Variants in FAT3 observed in about 807,000 individuals in gnomAD.
FAT3 encodes the protein protocadherin Fat 3.
Under a neutral mutation model 310.2 loss-of-function variants are expected in FAT3, and 95 were observed. The ratio of observed to expected loss-of-function variants is 0.31; its 90% CI spans 0.26 to 0.36. The LOEUF (loss-of-function observed/expected upper bound fraction) is 0.36. Ranked by LOEUF, FAT3 falls within the 10% of genes least tolerant of loss-of-function variation. FAT3 has a pLI of 1.00. For synonymous variants in FAT3, 2,314 were observed against 2,192.9 expected (o/e 1.06, Z -1.54); for missense variants, 5,408 against 5,715.6 (o/e 0.95, Z 1.74).
chr11:92,822,093 A>G (rs1947982548), intron 13 of FAT3, among the ~76,000 whole-genome samples: 1 of 152,030 alleles, frequency 6.6e-6, no homozygotes, highest in Non-Finnish European at 1.5e-5. Context: ...AGTTCTTGTT[A>G]TCATTACCCT....
At chr11:92,388,648 G>A (rs1949680781) in intron 2 of FAT3, among the ~76,000 whole-genome samples, 1 of 152,134 alleles carries the variant, frequency 6.6e-6, no homozygotes. Context: ...AAGCAACAGG[G>A]CCTGGTAGTT....
chr11:92,235,684 G>C (rs1046969648), intron 1 of FAT3, among the ~76,000 whole-genome samples: 1 of 152,082 alleles, frequency 6.6e-6, no homozygotes, highest in South Asian at 2.1e-4. Flanking sequence ...TATGATTCTG[G>C]TACTGCAAAG....
intron 1 of FAT3, among the ~76,000 whole-genome samples, chr11:92,338,473 G>T (rs890915804): frequency 1.3e-5 from 2 of 152,084 alleles, no homozygotes; most frequent in African/African-American, 4.8e-5. Context: ...ATTTCACAAT[G>T]CGGGGCAGGA....
At chr11:92,850,798 T>C (rs1948808210) in intron 19 of FAT3, among the ~76,000 whole-genome samples, 2 of 152,220 alleles carry the variant, frequency 1.3e-5, no homozygotes, top group Non-Finnish European at 2.9e-5. Flanking sequence ...GCTGCGGGAA[T>C]GCTGGGGAGA....
chr11:92,429,697 A>T (rs942139585), intron 2 of FAT3, among the ~76,000 whole-genome samples: 2 of 152,162 alleles, frequency 1.3e-5, no homozygotes, highest in African/African-American at 2.4e-5. Flanking sequence ...AATGTTGAAT[A>T]TTGGCCCTCA....
intron 1 of FAT3, among the ~76,000 whole-genome samples, chr11:92,289,263 T>G (rs902498732): frequency 2.0e-5 from 3 of 152,094 alleles, no homozygotes; most frequent in African/African-American, 7.2e-5. Flanking sequence ...CACATTAAGG[T>G]GAACAGTTTT....
intron 6 of FAT3, among the ~76,000 whole-genome samples, chr11:92,765,291 A>G (rs1350679236): frequency 6.6e-6 from 1 of 152,178 alleles, no homozygotes; most frequent in African/African-American, 2.4e-5. Flanking sequence ...AGCTGAACCG[A>G]AAGTGCTCTC....
chr11:92,740,041 T>C (rs1345151147), intron 4 of FAT3, among the ~76,000 whole-genome samples: 6 of 152,180 alleles, frequency 3.9e-5, no homozygotes, highest in Admixed American at 6.5e-5. Context: ...AGTGAGAATA[T>C]ATCCATTAAG....
intron 3 of FAT3, among the ~76,000 whole-genome samples, chr11:92,624,560 T>C (rs764285715): frequency 7.9e-5 from 12 of 152,184 alleles, no homozygotes; most frequent in Non-Finnish European, 1.3e-4. Flanking sequence ...GGGCCTTTGC[T>C]AGTGATCCAT....
chr11:92,836,324 A>G (rs554197057), intron 15 of FAT3, among the ~76,000 whole-genome samples: 12 of 152,268 alleles, frequency 7.9e-5, no homozygotes, highest in African/African-American at 2.9e-4. Flanking sequence ...CCTAACAGGC[A>G]TCAGGCTGTG....
At chr11:92,789,900 C>T (rs915254821) in intron 7 of FAT3, 43 bp from the exon 8 acceptor site, 2 of 1,599,404 alleles carry the variant, frequency 1.3e-6, no homozygotes, top group Non-Finnish European at 8.5e-7. Context: ...TAGCAGTGAG[C>T]AAATTGGCAT....
chr11:92,878,368 A>G (rs1270119340), intron 22 of FAT3, among the ~76,000 whole-genome samples: 1 of 151,984 alleles, frequency 6.6e-6, no homozygotes. Flanking sequence ...TAAAAATAGA[A>G]ATAAATAAAT....
chr11:92,282,352 A>G (rs893991627), intron 1 of FAT3, among the ~76,000 whole-genome samples: 1 of 152,138 alleles, frequency 6.6e-6, no homozygotes, highest in Non-Finnish European at 1.5e-5. Context: ...TAATAATTTC[A>G]CAGTGTATTC....
chr11:92,702,396 G>A (rs150285884), intron 4 of FAT3, among the ~76,000 whole-genome samples: 156 of 152,314 alleles, frequency 1.0e-3, no homozygotes, highest in African/African-American at 3.1e-3. Flanking sequence ...GAGACAGGAA[G>A]AAGGCATGCT....
chr11:92,476,123 A>T (rs1031524324), intron 2 of FAT3, among the ~76,000 whole-genome samples: 6 of 151,722 alleles, frequency 4.0e-5, no homozygotes, highest in Admixed American at 3.3e-4. Flanking sequence ...GAAGGGAGAG[A>T]GTGTCAGGGC....
intron 2 of FAT3, chr11:92,400,350 T>C (rs1949984919): frequency 6.6e-6 from 1 of 152,166 alleles, no homozygotes; most frequent in African/African-American, 2.4e-5. Context: ...ATCCACAAAA[T>C]GTATAGGCTT....
At chr11:92,520,147 C>G (rs1197088409) in intron 2 of FAT3, among the ~76,000 whole-genome samples, 1 of 151,716 alleles carries the variant, frequency 6.6e-6, no homozygotes, top group Middle Eastern at 3.2e-3. Flanking sequence ...TGGAATATTA[C>G]TAAGAAATGA....
intron 4 of FAT3, among the ~76,000 whole-genome samples, chr11:92,756,696 A>G (rs1172061430): frequency 6.6e-6 from 1 of 152,050 alleles, no homozygotes; most frequent in Non-Finnish European, 1.5e-5. Flanking sequence ...AACAAAAATA[A>G]ATTCATCAGG....
intron 11 of FAT3, 102 bp downstream of exon 11, chr11:92,805,451 A>T (rs1355857798): frequency 5.5e-6 from 7 of 1,263,116 alleles, no homozygotes; most frequent in Non-Finnish European, 7.6e-6. Context: ...TTCTGCTCTT[A>T]TCTGCAATTG....
Sources: allele counts gnomAD v4.1 joint callset (sites outside exome capture counted in the v4.1 genomes callset), GRCh38; gene constraint gnomAD v4.1.1; transcripts MANE v1.5; gene names NCBI Gene and HGNC (gene_info 2026-07-23, HGNC 2026-07-21).